RGS12: variants seen among roughly 807,000 people sequenced by gnomAD.
RGS12 encodes regulator of G-protein signaling 12.
In RGS12, 66 loss-of-function variants were observed where a neutral mutation model predicts 120.1. The observed-to-expected ratio is 0.55, with a 90% CI of 0.45 to 0.67. RGS12 has a LOEUF of 0.67. Ranked by LOEUF, RGS12 falls within the 30% of genes least tolerant of loss-of-function variation. The probability of loss-of-function intolerance (pLI) is 0.00; values close to 1 mark genes in which losing one functional copy is unlikely to be tolerated. For missense variants in RGS12, 1,859 were observed against 1,957.7 expected, an observed-to-expected ratio of 0.95 and a Z score of 0.95; for synonymous variants, 827 against 804.7, an observed-to-expected ratio of 1.03 and a Z score of -0.47.
At chr4:3,320,839 G>A (rs1304049009) in intron 2 of RGS12, among the ~76,000 whole-genome samples, 5 of 152,196 alleles carry the variant, frequency 3.3e-5, no homozygotes, top group African/African-American at 1.2e-4. Flanking sequence ...GAAGGTGGCC[G>A]TGACCGTCCG....
chr4:3,422,290 C>T, intron 10 of RGS12, 86 bp from the exon 11 acceptor site: 1 of 1,385,594 alleles, frequency 7.2e-7, no homozygotes, highest in Non-Finnish European at 9.8e-7. Flanking sequence ...GCACGTGCGG[C>T]CTGGGCCAGC....
chr4:3,424,848 C>G (rs1723444526), intron 13 of RGS12, among the ~76,000 whole-genome samples: 1 of 152,250 alleles, frequency 6.6e-6, no homozygotes, highest in South Asian at 2.1e-4. Context: ...GCAGGGCCCA[C>G]CACGCCTGCC....
intron 4 of RGS12, among the ~76,000 whole-genome samples, chr4:3,393,950 C>T (rs1384417719): frequency 1.3e-5 from 2 of 152,166 alleles, no homozygotes; most frequent in African/African-American, 2.4e-5. Flanking sequence ...CTGAGGCCAG[C>T]ACCATGCTGG....
At chr4:3,378,606 T>C (rs1264996646) in intron 3 of RGS12, 8 of 152,144 alleles carry the variant, frequency 5.3e-5, no homozygotes, top group Admixed American at 3.9e-4. Flanking sequence ...CAAAGAGCCA[T>C]AGTAGACATT....
In RGS12 at chr4:3,421,242, G is replaced by A. The variant is rs960084503; in HGVS notation, c.2838+524G>A. Among the ~76,000 whole-genome samples the A allele has an allele frequency of 3.3e-5, 5 of 152,194 alleles. No individual in the cohort carries two copies. In the South Asian group the frequency reaches 6.2e-4, roughly 19 times the overall value. On this transcript the variant is annotated intron_variant, in intron 10 of 17. Transcript: ENST00000336727. ...CAGCAGATGAGGGAGATGAGCAGGC[G>A]CAGGCAGGACTCGTGAGCTTGTTAG... is the stretch of plus-strand genomic sequence containing the variant.
chr4:3,309,640 GT>G, intron 1 of RGS12, among the ~76,000 whole-genome samples: 1 of 123,926 alleles, frequency 8.1e-6, no homozygotes, highest in Admixed American at 8.0e-5. Context: ...GAGGGGAACC[GT>G]GTGGGGGAGG....
At chr4:3,329,820 T>TGATGGAAAAGTTAATTTGAC (rs1711642733) in intron 2 of RGS12, among the ~76,000 whole-genome samples, 1 of 152,170 alleles carries the variant, frequency 6.6e-6, no homozygotes. Context: ...AGTGCAAAAT[T>TGATGGAAAAGTTAATTTGAC]TCAGTCTATT....
chr4:3,327,052 C>T (rs1022065779), intron 2 of RGS12, among the ~76,000 whole-genome samples: 1 of 152,322 alleles, frequency 6.6e-6, no homozygotes, highest in Non-Finnish European at 1.5e-5. Flanking sequence ...CATTACCTGA[C>T]TTCAAATTAT....
At chr4:3,347,330 G>C (rs1386059836) in intron 3 of RGS12, among the ~76,000 whole-genome samples, 3 of 152,036 alleles carry the variant, frequency 2.0e-5, no homozygotes, top group Non-Finnish European at 4.4e-5. Context: ...TGTATTCTCA[G>C]CTACTCGGGA....
At chr4:3,311,188 T>A (rs1052403794) in intron 1 of RGS12, among the ~76,000 whole-genome samples, 1 of 152,048 alleles carries the variant, frequency 6.6e-6, no homozygotes, top group Non-Finnish European at 1.5e-5. Context: ...GAGGACGGCG[T>A]CTCTCTCGCC....
chr4:3,432,317 T>C (rs991024452), intron 17 of RGS12: 2 of 407,242 alleles, frequency 4.9e-6, no homozygotes, highest in Admixed American at 1.3e-4. Context: ...TTTAAAAATA[T>C]ACCATCCACT....
intron 1 of RGS12, among the ~76,000 whole-genome samples, chr4:3,313,585 G>A (rs900594644): frequency 5.3e-5 from 8 of 152,194 alleles, no homozygotes; most frequent in Admixed American, 6.5e-5. Flanking sequence ...CGTTTTCGGG[G>A]GCCTCGTGTC....
intron 1 of RGS12, among the ~76,000 whole-genome samples, chr4:3,307,860 A>G (rs982555377): frequency 1.3e-5 from 2 of 152,370 alleles, no homozygotes; most frequent in African/African-American, 4.8e-5. Context: ...CAGTCCTTTT[A>G]AAAAGGGTCC....
chr4:3,379,005 ATGTGTGTGTGTGTGTGTGTGTGTGTGTG>A (rs3138719), intron 3 of RGS12, among the ~76,000 whole-genome samples: 13 of 146,566 alleles, frequency 8.9e-5, no homozygotes, highest in East Asian at 8.0e-4. Context: ...GAAATGTGCG[ATGTGTGTGTGTGTGTGTGTGTGTGTGTG>A]TGTGTGTGTG....
At chr4:3,413,308 A>G (rs1721959475) in intron 4 of RGS12, 1 of 152,242 alleles carries the variant, frequency 6.6e-6, no homozygotes, top group Non-Finnish European at 1.5e-5. Flanking sequence ...ACCAAAGGCT[A>G]CTGAGGGCCG....
chr4:3,388,233 G>T (rs1719071172), intron 4 of RGS12, among the ~76,000 whole-genome samples: 1 of 150,512 alleles, frequency 6.6e-6, no homozygotes, highest in African/African-American at 2.4e-5. Context: ...CGGGAGGGAG[G>T]AGGAGACGGG....
upstream of RGS12, among the ~76,000 whole-genome samples, chr4:3,289,699 A>G (rs1044095574): frequency 1.3e-5 from 2 of 152,200 alleles, no homozygotes; most frequent in Non-Finnish European, 2.9e-5. Context: ...CTACTCTTAG[A>G]GATTTTCAAG....
At chr4:3,311,006 T>C (rs1406215152) in intron 1 of RGS12, among the ~76,000 whole-genome samples, 1 of 152,204 alleles carries the variant, frequency 6.6e-6, no homozygotes, top group Non-Finnish European at 1.5e-5. Context: ...AACAGAGCCT[T>C]CCTCAGAGCG....
At chr4:3,428,770 T>TAGTC in intron 16 of RGS12, 59 bp downstream of exon 16, 1 of 1,431,430 alleles carries the variant, frequency 7.0e-7, no homozygotes, top group South Asian at 1.3e-5. Flanking sequence ...GTTTCCAGTA[T>TAGTC]AGTCAGTAGA....
Sources: allele counts gnomAD v4.1 joint callset (sites outside exome capture counted in the v4.1 genomes callset), GRCh38; gene constraint gnomAD v4.1.1; transcripts MANE v1.5; gene names NCBI Gene and HGNC (gene_info 2026-07-23, HGNC 2026-07-21).